The following TSPAN18 variants were observed in gnomAD, a reference collection of about 807,000 sequenced individuals.
TSPAN18 encodes the protein tetraspanin-18.
Under a neutral mutation model 27.3 loss-of-function variants are expected in TSPAN18, and 14 were observed. That is an observed-to-expected ratio of 0.51 (90% CI 0.34 to 0.80). The LOEUF is 0.80. Ranked by LOEUF, TSPAN18 falls within the 30% of genes least tolerant of loss-of-function variation. The pLI is 0.01. For synonymous variants in TSPAN18, 143 were observed against 136.5 expected, an observed-to-expected ratio of 1.05 and a Z score of -0.33; for missense variants, 268 against 323.9, an observed-to-expected ratio of 0.83 and a Z score of 1.32.
At chr11:44,759,837 A>C (rs931765586) in intron 1 of TSPAN18, among the ~76,000 whole-genome samples, 7 of 152,220 alleles carry the variant, frequency 4.6e-5, no homozygotes, top group Admixed American at 2.0e-4. Context: ...CATGAGCAAA[A>C]AATATACTAT....
chr11:44,854,600 AT>A (rs1214801974), intron 2 of TSPAN18, among the ~76,000 whole-genome samples: 4 of 152,142 alleles, frequency 2.6e-5, no homozygotes, highest in African/African-American at 4.8e-5. Flanking sequence ...GTTCTTACTT[AT>A]TGTAGGAACC....
At chr11:44,755,613 C>A (rs1334177387) in intron 1 of TSPAN18, among the ~76,000 whole-genome samples, 1 of 152,092 alleles carries the variant, frequency 6.6e-6, no homozygotes, top group African/African-American at 2.4e-5. Flanking sequence ...ACACCAACCC[C>A]CTATGTAGCT....
intron 2 of TSPAN18, among the ~76,000 whole-genome samples, chr11:44,820,839 C>T (rs1052085033): frequency 3.9e-5 from 6 of 152,112 alleles, no homozygotes; most frequent in African/African-American, 7.2e-5. Context: ...TTTAAAGGAG[C>T]ATAGCTTCTC....
At chr11:44,807,513 G>A (rs1370955587) in intron 2 of TSPAN18, among the ~76,000 whole-genome samples, 1 of 113,834 alleles carries the variant, frequency 8.8e-6, no homozygotes, top group African/African-American at 3.5e-5. Flanking sequence ...AGGCACAAGA[G>A]TGAAACTCCA....
chr11:44,769,095 T>C (rs835763), intron 2 of TSPAN18, among the ~76,000 whole-genome samples: 142,860 of 151,982 alleles, frequency 0.94, 67,822 homozygotes, highest in East Asian at 1. Context: ...TGAGGTTTCA[T>C]CATTTTGGCC....
intron 8 of TSPAN18, among the ~76,000 whole-genome samples, chr11:44,923,041 G>A (rs1860202497): frequency 6.6e-6 from 1 of 152,266 alleles, no homozygotes; most frequent in African/African-American, 2.4e-5. Flanking sequence ...CCCGGGAGGC[G>A]GAGGTTGCGG....
At chr11:44,910,644 T>A (rs879638700) in intron 5 of TSPAN18, among the ~76,000 whole-genome samples, 1 of 152,370 alleles carries the variant, frequency 6.6e-6, no homozygotes, top group Middle Eastern at 3.4e-3. Context: ...CCCTTGTAGA[T>A]ATGCAATTCT....
chr11:44,741,345 A>G (rs1178575746), intron 1 of TSPAN18, among the ~76,000 whole-genome samples: 1 of 152,182 alleles, frequency 6.6e-6, no homozygotes, highest in African/African-American at 2.4e-5. Context: ...TATTCTTTTA[A>G]AAATGTGGTT....
chr11:44,778,540 A>G (rs1327456964), intron 2 of TSPAN18, among the ~76,000 whole-genome samples: 6 of 152,104 alleles, frequency 3.9e-5, no homozygotes, highest in African/African-American at 9.7e-5. Context: ...AGCCCCATCA[A>G]TGAATTTGCA....
Position 44,919,943 on chromosome 11 carries a change from G to C in TSPAN18, c.559G>C (p.Val187Leu), listed in dbSNP as rs1277441891. 1 of 1,614,208 alleles carries C rather than the reference G, an allele frequency of 6.2e-7. No individual in the cohort carries two copies. The highest frequency in any genetic ancestry group is 8.5e-7 in the Non-Finnish European group (1 of 1,180,038). Residue 187 changes from valine (V) to leucine (L), a missense_variant, in exon 8 of 10, where the codon GTC (valine) becomes CTC (leucine). Transcript: ENST00000520358. ...CRREPQSRDGVLLSREECLLG... is the reference protein window; with the variant it reads ...CRREPQSRDGLLLSREECLLG... ...GAGGGAACCCCAAAGTCGGGACGGG[G>C]TCCTGCTGAGCCGGGAGGAGTGCCT... is the stretch of plus-strand genomic sequence containing the variant.
intron 8 of TSPAN18, among the ~76,000 whole-genome samples, chr11:44,922,117 A>ATTTTTTTT (rs10659284): frequency 0.01 from 1,354 of 131,270 alleles, 44 homozygotes; most frequent in African/African-American, 0.036. Context: ...CCCAGGATGC[A>ATTTTTTTT]TTTTTTTTTT....
At chr11:44,801,156 G>T (rs1483768820) in intron 2 of TSPAN18, among the ~76,000 whole-genome samples, 1 of 152,178 alleles carries the variant, frequency 6.6e-6, no homozygotes, top group Non-Finnish European at 1.5e-5. Context: ...AATCAGGATT[G>T]TCGGATTGTT....
At chr11:44,849,806 C>A (rs190447300) in intron 2 of TSPAN18, among the ~76,000 whole-genome samples, 27 of 152,316 alleles carry the variant, frequency 1.8e-4, no homozygotes, top group Admixed American at 1.4e-3. Flanking sequence ...GAATCAGTGA[C>A]CTCCCTGGGT....
intron 3 of TSPAN18, among the ~76,000 whole-genome samples, chr11:44,905,116 A>T (rs1258404803): frequency 2.0e-5 from 3 of 152,266 alleles, no homozygotes; most frequent in Admixed American, 2.0e-4. Flanking sequence ...GTCCAATGTG[A>T]TGCTTTGATA....
chr11:44,746,804 C>T (rs886220785), intron 1 of TSPAN18, among the ~76,000 whole-genome samples: 7 of 152,222 alleles, frequency 4.6e-5, no homozygotes, highest in African/African-American at 1.7e-4. Context: ...TTAGAAAATA[C>T]ACGGTGTGCC....
chr11:44,780,706 G>T (rs1356417460), intron 2 of TSPAN18, among the ~76,000 whole-genome samples: 3 of 152,154 alleles, frequency 2.0e-5, no homozygotes, highest in African/African-American at 7.2e-5. Flanking sequence ...CTAGACCTTG[G>T]CTATGTCATG....
chr11:44,890,945 GA>G (rs1284843254), intron 3 of TSPAN18, among the ~76,000 whole-genome samples: 2 of 152,256 alleles, frequency 1.3e-5, no homozygotes, highest in East Asian at 3.9e-4. Context: ...ACCAAGGCAG[GA>G]GATTGCTTGA....
intron 3 of TSPAN18, among the ~76,000 whole-genome samples, chr11:44,892,873 G>T (rs1391758385): frequency 6.6e-6 from 1 of 152,252 alleles, no homozygotes; most frequent in African/African-American, 2.4e-5. Context: ...TCGCAGGGTA[G>T]TTGAGAGGGT....
chr11:44,839,661 T>G (rs1476709070), intron 2 of TSPAN18, among the ~76,000 whole-genome samples: 1 of 152,008 alleles, frequency 6.6e-6, no homozygotes, highest in Middle Eastern at 3.2e-3. Flanking sequence ...TCTCTGCCCC[T>G]CTAATCTTGG....
Sources: allele counts gnomAD v4.1 joint callset (sites outside exome capture counted in the v4.1 genomes callset), GRCh38; gene constraint gnomAD v4.1.1; transcripts MANE v1.5; gene names NCBI Gene and HGNC (gene_info 2026-07-23, HGNC 2026-07-21).